The following COBL variants were observed in gnomAD, a reference collection of about 807,000 sequenced individuals.
COBL encodes cordon-bleu WH2 repeat protein.
Under a neutral mutation model 98.8 loss-of-function variants are expected in COBL, and 51 were observed. That is an observed-to-expected ratio of 0.52 (90% CI 0.41 to 0.65). The LOEUF is 0.65. Among genes scored for constraint, COBL ranks in the 30% least tolerant of loss-of-function variants. The pLI is 0.00. For synonymous variants in COBL, 634 were observed against 651.7 expected (o/e 0.97, Z 0.41); for missense variants, 1,617 against 1,617.5 (o/e 1.00, Z 0.01).
intron 1 of COBL, among the ~76,000 whole-genome samples, chr7:51,281,461 CA>C (rs1167859808): frequency 6.6e-6 from 1 of 152,084 alleles, no homozygotes; most frequent in Non-Finnish European, 1.5e-5. Flanking sequence ...AAACCCTATA[CA>C]GGATGAGTAC....
At position 51,136,264 on chromosome 7, in the gene COBL, G is replaced by A. The variant is rs1799229191; in HGVS notation, c.851C>T (p.Ser284Leu). The A allele has an allele frequency of 3.7e-6, 6 of 1,613,958 alleles. No homozygotes were observed. The highest frequency in any genetic ancestry group is 2.7e-5 in the African/African-American group (2 of 74,936). ...GGACACCCCTGAGATGCTGCCCAGC[G>A]AGAGGGATGGACCCAGCGTAAGAGA... ...SRSLTLGPSL[S>L]LGSISGVSVK... The change falls in exon 6 of 13, where the codon TCG becomes TTG. Residue 284 changes from serine to leucine, a missense_variant. By Grantham distance (145) the Ser-to-Leu change is moderately radical. Transcript: ENST00000265136.
chr7:51,284,459 G>A (rs554158340), intron 1 of COBL, among the ~76,000 whole-genome samples: 3 of 151,446 alleles, frequency 2.0e-5, no homozygotes, highest in Admixed American at 1.3e-4. Context: ...GCAAAGACAA[G>A]CATTTGATAT....
chr7:51,200,761 T>C (rs989279951), intron 2 of COBL, among the ~76,000 whole-genome samples: 1 of 151,862 alleles, frequency 6.6e-6, no homozygotes, highest in Non-Finnish European at 1.5e-5. Context: ...ATGGCAAGAG[T>C]AAGTCCTTAC....
intron 7 of COBL, among the ~76,000 whole-genome samples, chr7:51,066,557 T>C (rs1791950147): frequency 6.6e-6 from 1 of 152,226 alleles, no homozygotes; most frequent in Admixed American, 6.5e-5. Context: ...ATCTACGTGC[T>C]GTTTTCTTAT....
chr7:51,273,799 T>C (rs1799016130), intron 1 of COBL, among the ~76,000 whole-genome samples: 1 of 152,180 alleles, frequency 6.6e-6, no homozygotes, highest in South Asian at 2.1e-4. Context: ...TAAATACAAT[T>C]CCCAAAATAC....
intron 5 of COBL, among the ~76,000 whole-genome samples, chr7:51,166,234 G>C (rs1244157309): frequency 6.6e-6 from 1 of 151,646 alleles, no homozygotes; most frequent in Non-Finnish European, 1.5e-5. Flanking sequence ...GAAAAAAAGA[G>C]AGAAGATACA....
chr7:51,316,363 G>T (rs1803593931), intron 1 of COBL: 1 of 323,404 alleles, frequency 3.1e-6, no homozygotes, highest in Middle Eastern at 8.5e-4. Flanking sequence ...CTCCGGCCCC[G>T]GCCCGACACG....
chr7:51,240,382 T>C (rs144036472), intron 1 of COBL, among the ~76,000 whole-genome samples: 1 of 152,328 alleles, frequency 6.6e-6, no homozygotes, highest in African/African-American at 2.4e-5. Context: ...GCTTTACTCA[T>C]TGTAAGTGAA....
intron 1 of COBL, among the ~76,000 whole-genome samples, chr7:51,236,264 C>T (rs1795250359): frequency 6.6e-6 from 1 of 152,140 alleles, no homozygotes; most frequent in African/African-American, 2.4e-5. Context: ...TGATTTAAAA[C>T]ATAGAGGGGG....
intron 7 of COBL, among the ~76,000 whole-genome samples, chr7:51,053,580 T>C (rs1477054974): frequency 1.3e-5 from 2 of 152,264 alleles, no homozygotes; most frequent in Non-Finnish European, 2.9e-5. Context: ...GTCTCTTGCA[T>C]GCTGAAGAAC....
intron 1 of COBL, among the ~76,000 whole-genome samples, chr7:51,230,160 C>G (rs1342336672): frequency 1.3e-5 from 2 of 152,154 alleles, no homozygotes; most frequent in African/African-American, 4.8e-5. Context: ...CAGACACACA[C>G]CTCCTCCAAG....
chr7:51,145,664 C>T (rs1311775588), intron 5 of COBL, among the ~76,000 whole-genome samples: 1 of 152,186 alleles, frequency 6.6e-6, no homozygotes, highest in Non-Finnish European at 1.5e-5. Flanking sequence ...CAGGAGTGAG[C>T]CGCCACACCT....
intron 6 of COBL, among the ~76,000 whole-genome samples, chr7:51,089,712 G>A (rs1249416840): frequency 1.3e-5 from 2 of 152,138 alleles, no homozygotes; most frequent in Non-Finnish European, 2.9e-5. Flanking sequence ...GAACAAACAA[G>A]TAAACATTGT....
At chr7:51,037,013 C>T (rs1032221385) in intron 8 of COBL, among the ~76,000 whole-genome samples, 1 of 152,148 alleles carries the variant, frequency 6.6e-6, no homozygotes, top group Admixed American at 6.5e-5. Flanking sequence ...TCCTTCCCTG[C>T]AGGTAGGAGG....
chr7:51,060,022 T>G (rs572492654), intron 7 of COBL, among the ~76,000 whole-genome samples: 15 of 152,276 alleles, frequency 9.9e-5, no homozygotes, highest in Non-Finnish European at 8.8e-5. Flanking sequence ...TCATGGGTCC[T>G]GCCGTAAGCT....
chr7:51,018,806 A>G (rs1182984649), intron 12 of COBL, among the ~76,000 whole-genome samples: 1 of 149,390 alleles, frequency 6.7e-6, no homozygotes, highest in Non-Finnish European at 1.5e-5. Flanking sequence ...GCAAGAGAAT[A>G]GCTTGAACCC....
intron 7 of COBL, among the ~76,000 whole-genome samples, chr7:51,047,163 A>G (rs1237587196): frequency 6.6e-6 from 1 of 152,234 alleles, no homozygotes; most frequent in Non-Finnish European, 1.5e-5. Context: ...CTTTGAACTA[A>G]AAAGTTATTA....
chr7:51,188,012 TCCCTGA>T (rs1789712575), intron 4 of COBL: 1 of 1,220,668 alleles, frequency 8.2e-7, no homozygotes, highest in African/African-American at 1.6e-5. Flanking sequence ...TGTGTGGGAG[TCCCTGA>T]CCCAGGCCTT....
At chr7:51,246,799 C>G (rs1796307963) in intron 1 of COBL, among the ~76,000 whole-genome samples, 1 of 152,112 alleles carries the variant, frequency 6.6e-6, no homozygotes, top group Non-Finnish European at 1.5e-5. Context: ...AACAAATGGG[C>G]TTTTTTTGTG....
Sources: allele counts gnomAD v4.1 joint callset (sites outside exome capture counted in the v4.1 genomes callset), GRCh38; gene constraint gnomAD v4.1.1; transcripts MANE v1.5; gene names NCBI Gene and HGNC (gene_info 2026-07-23, HGNC 2026-07-21).